The following ADGRF4 variants were observed in gnomAD, a reference collection of about 807,000 sequenced individuals.
ADGRF4 encodes the protein G-protein coupled receptor PGR18.
Under a neutral mutation model 58.5 loss-of-function variants are expected in ADGRF4, and 63 were observed. That is an observed-to-expected ratio of 1.08 (90% CI 0.88 to 1.33). ADGRF4 has a LOEUF of 1.33. Ranked by LOEUF, ADGRF4 falls within the 40% of genes most tolerant of loss-of-function variation. The pLI is 0.00. For missense variants in ADGRF4, 931 were observed against 843.9 expected (o/e 1.10, Z -1.28); for synonymous variants, 313 against 295.4 (o/e 1.06, Z -0.61).
In ADGRF4 at chr6:47,714,954, T is replaced by C. The variant is rs1223135554; in HGVS notation, c.1709T>C (p.Val570Ala). The C allele has an allele frequency of 6.2e-7, 1 of 1,613,756 alleles. No homozygotes were observed. Among genetic ancestry groups the C allele is most frequent in the Non-Finnish European group, 8.5e-7 (1 of 1,179,742 alleles). ...LAFAIPAFVIVAVNLIVVLVV... is the reference protein window; with the variant it reads ...LAFAIPAFVIAAVNLIVVLVV... ...TTTGCCATCCCGGCGTTCGTCATTG[T>C]GGCTGTAAATCTGATTGTGGTTTTG... The change falls in exon 6 of 10, where the codon GTG becomes GCG. Residue 570 changes from valine (V) to alanine (A), a missense_variant. Val to Ala is a moderately conservative substitution (Grantham distance 64). Coordinates refer to ENST00000283303, the MANE Select transcript of ADGRF4 (RefSeq NM_153838.5).
intron 6 of ADGRF4, 79 bp downstream of exon 6, chr6:47,715,256 C>T (rs1771988126): frequency 1.9e-6 from 2 of 1,031,578 alleles, no homozygotes; most frequent in Non-Finnish European, 2.9e-6. Context: ...AATTATATAA[C>T]ACAAAATGTT....
chr6:47,702,919 G>C (rs758884945), intron 1 of ADGRF4, among the ~76,000 whole-genome samples: 1 of 152,340 alleles, frequency 6.6e-6, no homozygotes, highest in South Asian at 2.1e-4. Flanking sequence ...TCCCTCACCT[G>C]GGTGAGTTAG....
In ADGRF4 at chr6:47,714,644, G is replaced by A. The variant is rs1037394596; in HGVS notation, c.1399G>A (p.Ala467Thr). The A allele has an allele frequency of 3.7e-6, 6 of 1,614,122 alleles. No individual in the cohort carries two copies. Among genetic ancestry groups the A allele is most frequent in the Middle Eastern group, 1.6e-4 (1 of 6,062 alleles). The change falls in exon 6 of 10, where the codon GCC becomes ACC. Residue 467 changes from alanine (A) to threonine (T), a missense_variant. Coordinates refer to ENST00000283303, the MANE Select transcript of ADGRF4 (RefSeq NM_153838.5). Reference protein sequence around the residue: ...FIIGSHFNIKAQDYNMCVAVT... With the variant: ...FIIGSHFNIKTQDYNMCVAVT... ...CATAGGCTCTCACTTTAACATTAAG[G>A]CCCAGGACTACAACATGTGTGTTGC...
At position 47,720,098 on chromosome 6, in the gene ADGRF4, C is replaced by A. The variant is rs550676943; in HGVS notation, c.*4-1111C>A. On this transcript the variant is annotated intron_variant, in intron 9 of 9. Coordinates refer to ENST00000283303, the MANE Select transcript of ADGRF4 (RefSeq NM_153838.5). ...TAATTGCAGCTGGCATCATGGTAGACCATGTTGGGGACCTAACAAAGATTA... is the reference window on the plus strand; with the variant it reads ...TAATTGCAGCTGGCATCATGGTAGAACATGTTGGGGACCTAACAAAGATTA... Among the ~76,000 whole-genome samples, 7 of 152,224 alleles carry A rather than the reference C, an allele frequency of 4.6e-5. No homozygotes were observed. In the South Asian group the frequency reaches 1.5e-3, roughly 32 times the overall value.
rs778247210 is a variant in ADGRF4, at chr6:47,716,896, G to A, written c.1974+49G>A. Reference sequence around the variant, plus strand: ...TATAAATGGTTTTCATGTGGCTGGGGGAAGCAGGAGGATGAAGCAGTTTTG... The same window carrying A: ...TATAAATGGTTTTCATGTGGCTGGGAGAAGCAGGAGGATGAAGCAGTTTTG... On this transcript the variant is annotated intron_variant, in intron 7 of 9. Transcript: ENST00000283303. 21 of 1,292,348 alleles carry A rather than the reference G, an allele frequency of 1.6e-5. No homozygotes were observed. The South Asian group carries it at 2.5e-4, about 15-fold the overall frequency. The allele number at this position is 1,292,348 out of a possible 1,614,324, so 80.1% of individuals were successfully genotyped here.
At chr6:47,703,416 T>C (rs991148901) in intron 1 of ADGRF4, among the ~76,000 whole-genome samples, 6 of 152,248 alleles carry the variant, frequency 3.9e-5, no homozygotes, top group Non-Finnish European at 8.8e-5. Flanking sequence ...CGACCCTTTC[T>C]GGTGAGAAGA....
intron 3 of ADGRF4, among the ~76,000 whole-genome samples, chr6:47,709,820 T>C (rs1771815529): frequency 6.6e-6 from 1 of 151,506 alleles, no homozygotes; most frequent in Admixed American, 6.6e-5. Context: ...TATAAACAAC[T>C]GTTCTTTCCT....
chr6:47,712,484 A>G lies in ADGRF4; in HGVS notation c.428A>G (p.Tyr143Cys), dbSNP rs779326612. ...QGIRKNCPFD[Y>C]ACITDMVKSS... The stretch of plus-strand genomic sequence containing the variant: ...ATCCGTAAGAACTGCCCCTTTGATT[A>G]TGCCTGCATCACTGACATGGTGAAA... Residue 143 changes from tyrosine to cysteine, a missense_variant, in exon 5 of 10, where the codon TAT (tyrosine) becomes TGT (cysteine). Tyr to Cys is a radical substitution (Grantham distance 194). Coordinates refer to ENST00000283303, the MANE Select transcript of ADGRF4 (RefSeq NM_153838.5). 17 of 1,614,046 alleles carry G rather than the reference A, an allele frequency of 1.1e-5. No homozygotes were observed. Among genetic ancestry groups the G allele is most frequent in the Non-Finnish European group, 1.2e-5 (14 of 1,179,998 alleles).
In ADGRF4 at chr6:47,714,138, TG is replaced by T. The variant is rs1274529315; in HGVS notation, c.898del (p.Ala300LeufsTer3). On this transcript the variant is annotated frameshift_variant, in exon 6 of 10. Transcript: ENST00000283303. LOFTEE classifies it high-confidence loss of function. ...GCCATTAGCATAGCTTTCCCAACCT[TG>T]GGGGCTATCCTGAGAGAAGCCCACT... ...SQAISIAFPT[L>X]GAILREAHLQ... The T allele has an allele frequency of 6.2e-7, 1 of 1,613,958 alleles. No individual in the cohort carries two copies. The highest frequency in any genetic ancestry group is 1.7e-5 in the Admixed American group (1 of 60,014).
intron 1 of ADGRF4, among the ~76,000 whole-genome samples, chr6:47,703,862 G>A (rs564866108): frequency 1.3e-5 from 2 of 152,072 alleles, no homozygotes; most frequent in Non-Finnish European, 2.9e-5. Flanking sequence ...CCCTGAACAC[G>A]TTCAGGAGCT....
chr6:47,718,794 G>C (rs1024298121), intron 9 of ADGRF4, among the ~76,000 whole-genome samples: 1 of 152,106 alleles, frequency 6.6e-6, no homozygotes, highest in Non-Finnish European at 1.5e-5. Context: ...CAAAGCAACA[G>C]GTCTGTCTTT....
rs115977463 is a variant in ADGRF4, at chr6:47,710,676, A to G, written c.149-59A>G. 2,041 of 1,511,990 alleles carry G rather than the reference A, an allele frequency of 1.3e-3. 22 individuals carry two copies. In the African/African-American group the frequency reaches 0.014, roughly 10 times the overall value. 93.7% of individuals were successfully genotyped at this position (1,511,990 alleles called of 1,614,324 possible). On this transcript the variant is annotated intron_variant, in intron 3 of 9. Transcript: ENST00000283303. ...CAGAATGAATTTGATGCACCTGTCA[A>G]AATGTGGAAATCCTAATTGGGCTCC...
rs1418926592 is a variant in ADGRF4, at chr6:47,712,644, C to A, written c.552+36C>A. On this transcript the variant is annotated intron_variant, in intron 5 of 9. Coordinates refer to ENST00000283303, the MANE Select transcript of ADGRF4 (RefSeq NM_153838.5). ...TTAATCATTTAAAAATGATGTTTTT[C>A]TTAAAATTTTCATTTGAATAGTTTC... The A allele has an allele frequency of 2.7e-6, 4 of 1,509,064 alleles. No homozygotes were observed. In the Admixed American group the frequency reaches 7.0e-5, roughly 26 times the overall value. The allele number at this position is 1,509,064 out of a possible 1,614,324, so 93.5% of individuals were successfully genotyped here.
At chr6:47,716,082 G>C (rs767204174) in intron 6 of ADGRF4, among the ~76,000 whole-genome samples, 9 of 150,404 alleles carry the variant, frequency 6.0e-5, no homozygotes, top group Non-Finnish European at 1.3e-4. Context: ...TTCTTACTTT[G>C]CAATTTAATT....
chr6:47,714,543 C>A lies in ADGRF4; in HGVS notation c.1298C>A (p.Thr433Lys). ...ACAGTGTGGTCCCGGGTGGTTGTGA[C>A]GGAGATATCATACATGCGTCACGTG... ...EATVWSRVVV[T>K]EISYMRHVCI... The change falls in exon 6 of 10, where the codon ACG (threonine) becomes AAG (lysine). Residue 433 changes from threonine (T) to lysine (K), a missense_variant. Coordinates refer to ENST00000283303, the MANE Select transcript of ADGRF4 (RefSeq NM_153838.5). The A allele has an allele frequency of 1.9e-6, 3 of 1,614,054 alleles. No individual in the cohort carries two copies. Among genetic ancestry groups the A allele is most frequent in the Non-Finnish European group, 2.5e-6 (3 of 1,180,016 alleles).
chr6:47,702,550 A>G (rs373887208), intron 1 of ADGRF4, among the ~76,000 whole-genome samples: 1 of 152,246 alleles, frequency 6.6e-6, no homozygotes, highest in East Asian at 1.9e-4. Flanking sequence ...ATGGTTGACA[A>G]ACAAATGGTG....
intron 1 of ADGRF4, among the ~76,000 whole-genome samples, chr6:47,699,138 A>G (rs1483610490): frequency 2.0e-5 from 3 of 152,218 alleles, no homozygotes; most frequent in Non-Finnish European, 4.4e-5. Flanking sequence ...CTGAATGTAA[A>G]GCTGGATGTT....
At chr6:47,711,097 C>T (rs1441296872) in intron 4 of ADGRF4, among the ~76,000 whole-genome samples, 3 of 129,466 alleles carry the variant, frequency 2.3e-5, no homozygotes, top group Non-Finnish European at 3.3e-5. Context: ...ATTTCTCCCG[C>T]TAAGAAACTT....
chr6:47,710,992 C>T lies in ADGRF4; in HGVS notation c.300+106C>T, dbSNP rs1474782647. On this transcript the variant is annotated intron_variant, in intron 4 of 9. Transcript: ENST00000283303. ...CATGACAAAAAGTCTCAGATCCGCA[C>T]TTAGAAAAATCTACAGAATGGGTTA... The T allele has an allele frequency of 2.2e-5, 24 of 1,075,964 alleles. 1 individual carries two copies. The highest frequency in any genetic ancestry group is 3.6e-5 in the South Asian group (2 of 55,446). 66.7% of individuals were successfully genotyped at this position (1,075,964 alleles called of 1,614,324 possible).
Sources: gnomAD v4.1 joint callset for allele counts (sites outside exome capture counted in the v4.1 genomes callset) on GRCh38, gnomAD v4.1.1 for gene constraint, MANE v1.5 for transcripts, NCBI Gene and HGNC (gene_info 2026-07-23, HGNC 2026-07-21) for gene names.